THAP6: variants seen among roughly 807,000 people sequenced by gnomAD.
THAP6 encodes the protein THAP domain containing 6, also known as THAP domain-containing protein 6.
THAP6 carries 13 observed loss-of-function variants against 20.0 expected under a neutral mutation model. That is an observed-to-expected ratio of 0.65 (90% confidence interval 0.42 to 1.03). The LOEUF is 1.03. THAP6 is among the 50% of genes least tolerant of loss of function. The probability of loss-of-function intolerance (pLI) is 0.00; values close to 1 mark genes in which losing one functional copy is unlikely to be tolerated. For missense variants in THAP6, 262 were observed against 261.6 expected (o/e 1.00, Z -0.01); for synonymous variants, 93 against 92.2 (o/e 1.01, Z -0.05).
rs1726585562 is a variant in THAP6, at chr4:75,529,460, T to C, written c.*2246T>C. 1.0e-6 allele frequency: 1 copy of C among 985,428 alleles called. No individual in the cohort carries two copies. The highest frequency in any genetic ancestry group is 1.7e-5 in the African/African-American group (1 of 57,358). 61.0% of individuals were successfully genotyped at this position (985,428 alleles called of 1,614,324 possible). ...AAATAAATAACTGTGTGCAAAATAT[T>C]GGTATCATTAAGGACCCAGAGCTGC... On this transcript the variant is annotated 3_prime_UTR_variant, in exon 5 of 5. Transcript: ENST00000311638.
chr4:75,527,656 A>G lies in THAP6; in HGVS notation c.*442A>G, dbSNP rs1248490564. ...TTACTACAAAGCACAATTCATTTGT[A>G]ATGCATATCCATCTTGGATTCAATC... On this transcript the variant is annotated 3_prime_UTR_variant, in exon 5 of 5. Coordinates refer to ENST00000311638, the MANE Select transcript of THAP6 (RefSeq NM_144721.6). 1 of 997,052 alleles carries G rather than the reference A, an allele frequency of 1.0e-6. No homozygotes were observed. 61.8% of individuals were successfully genotyped at this position (997,052 alleles called of 1,614,324 possible).
At position 75,528,701 on chromosome 4, in the gene THAP6, A is replaced by G. The variant is rs187889749; in HGVS notation, c.*1487A>G. On this transcript the variant is annotated 3_prime_UTR_variant, in exon 5 of 5. Coordinates refer to ENST00000311638, the MANE Select transcript of THAP6 (RefSeq NM_144721.6). ...CGAGATCAGCGTTATGCTAAGAGGA[A>G]ATCACTGAGGCCATATCTTTTTACA... The G allele has an allele frequency of 3.0e-3, 2,985 of 985,052 alleles. 1 individual carries two copies. The highest frequency in any genetic ancestry group is 3.4e-3 in the Non-Finnish European group (2,858 of 829,688). 61.0% of individuals were successfully genotyped at this position (985,052 alleles called of 1,614,324 possible). A position where few individuals can be genotyped will look rare whatever the true frequency, so the allele number is the denominator to read the frequency against.
At position 75,540,057 on chromosome 4, in the gene THAP6, ATCC is replaced by A. The variant is rs141200258; in HGVS notation, c.166-2346_166-2344del. 3.0e-3 allele frequency: 4,062 copies of A among 1,374,344 alleles called. 95 individuals are homozygous for A. In the African/African-American group the frequency reaches 0.051, roughly 17 times the overall value. The allele number at this position is 1,374,344 out of a possible 1,614,324, so 85.1% of individuals were successfully genotyped here. Reference sequence around the variant, plus strand: ...ACTGAAAGGGAAAATTTCAATCACCATCCTCCTCTTCATCCTCTCACTCCAATA... The same window carrying A: ...ACTGAAAGGGAAAATTTCAATCACCATCCTCTTCATCCTCTCACTCCAATA... On this transcript the variant is annotated intron_variant, in intron 2 of 4. Coordinates refer to the THAP6 transcript ENST00000502620.
rs1229314862 is a variant in THAP6, at chr4:75,528,445, T to TC, written c.*1233dup. The stretch of plus-strand genomic sequence containing the variant: ...TACATACATGGACCTCATTCAGAAG[T>TC]CCATGTTGTAGCAGTTAGAATTTGA... On this transcript the variant is annotated 3_prime_UTR_variant, in exon 5 of 5. Coordinates refer to ENST00000311638, the MANE Select transcript of THAP6 (RefSeq NM_144721.6). 1 of 985,242 alleles carries TC rather than the reference T, an allele frequency of 1.0e-6. No individual in the cohort carries two copies. The highest frequency in any genetic ancestry group is 1.2e-6 in the Non-Finnish European group (1 of 829,868). The allele number at this position is 985,242 out of a possible 1,614,324, so 61.0% of individuals were successfully genotyped here. A position where few individuals can be genotyped will look rare whatever the true frequency, so the allele number is the denominator to read the frequency against.
downstream of THAP6, among the ~76,000 whole-genome samples, chr4:75,534,882 A>G (rs78239199): frequency 0.089 from 13,481 of 152,202 alleles, 985 homozygotes; most frequent in African/African-American, 0.18. Flanking sequence ...ACCAGTTAGA[A>G]GGGCGATCAT....
chr4:75,533,956 T>C (rs1037563195), downstream of THAP6, among the ~76,000 whole-genome samples: 2 of 149,396 alleles, frequency 1.3e-5, no homozygotes, highest in Non-Finnish European at 3.0e-5. Context: ...TTCCCCTTCC[T>C]GTGTCCAGGT....
chr4:75,520,581 G>A (rs989698542), intron 3 of THAP6, among the ~76,000 whole-genome samples: 85 of 152,160 alleles, frequency 5.6e-4, no homozygotes, highest in Admixed American at 5.6e-3. Context: ...TTGTGTATAG[G>A]CTGTCATCTT....
Position 75,528,527 on chromosome 4 carries a change from T to A in THAP6, c.*1313T>A. ...TGAATTGCATTTTGTGCTCAGTTGT[T>A]TATTGTAATTTTATTTTTGTTACAT... On this transcript the variant is annotated 3_prime_UTR_variant, in exon 5 of 5. Coordinates refer to ENST00000311638, the MANE Select transcript of THAP6 (RefSeq NM_144721.6). 3.0e-6 allele frequency: 3 copies of A among 984,194 alleles called. No homozygotes were observed. The highest frequency in any genetic ancestry group is 3.6e-6 in the Non-Finnish European group (3 of 828,800). 61.0% of individuals were successfully genotyped at this position (984,194 alleles called of 1,614,324 possible).
At chr4:75,533,745 G>T (rs894353541), downstream of THAP6, among the ~76,000 whole-genome samples, 3 of 151,814 alleles carry the variant, frequency 2.0e-5, no homozygotes, top group African/African-American at 7.3e-5. Context: ...TCCTGTTGTT[G>T]TTTTTTTCCT....
chr4:75,528,118 G>C lies in THAP6; in HGVS notation c.*904G>C. 1 of 984,866 alleles carries C rather than the reference G, an allele frequency of 1.0e-6. No homozygotes were observed. The highest frequency in any genetic ancestry group is 1.2e-6 in the Non-Finnish European group (1 of 829,526). 61.0% of individuals were successfully genotyped at this position (984,866 alleles called of 1,614,324 possible). A position where few individuals can be genotyped will look rare whatever the true frequency, so the allele number is the denominator to read the frequency against. ...AAGAAACCATTAGAAATTAATAACT[G>C]TGGCTCTTCCAGTTGAAATAGGAAT... On this transcript the variant is annotated 3_prime_UTR_variant, in exon 5 of 5. Transcript: ENST00000311638.
In THAP6 at chr4:75,528,028, A is replaced by G; in HGVS notation, c.*814A>G. 1 of 985,188 alleles carries G rather than the reference A, an allele frequency of 1.0e-6. No individual in the cohort carries two copies. The highest frequency in any genetic ancestry group is 4.7e-5 in the South Asian group (1 of 21,284). The allele number at this position is 985,188 out of a possible 1,614,324, so 61.0% of individuals were successfully genotyped here. On this transcript the variant is annotated 3_prime_UTR_variant, in exon 5 of 5. Coordinates refer to ENST00000311638, the MANE Select transcript of THAP6 (RefSeq NM_144721.6). ...ATGGCAGTACTAGCTCTATACTTTT[A>G]ATACTGCTTTGTATTTTATATGTAA... is the stretch of plus-strand genomic sequence containing the variant.
At chr4:75,517,629 G>A (rs936057249) in intron 3 of THAP6, 11 of 152,276 alleles carry the variant, frequency 7.2e-5, no homozygotes, top group African/African-American at 2.6e-4. Flanking sequence ...CAGAAGTCAG[G>A]AGTAGAACCA....
chr4:75,521,458 A>G (rs1370953291), intron 3 of THAP6, among the ~76,000 whole-genome samples: 3 of 152,090 alleles, frequency 2.0e-5, no homozygotes, highest in African/African-American at 7.2e-5. Context: ...AGTCCTAACA[A>G]AAGAACACAC....
At chr4:75,516,181 T>C (rs1725612215) in intron 2 of THAP6, among the ~76,000 whole-genome samples, 1 of 152,264 alleles carries the variant, frequency 6.6e-6, no homozygotes, top group African/African-American at 2.4e-5. Context: ...ATATCCTACC[T>C]TATTTTAGAA....
At chr4:75,525,965 C>T (rs1348126246) in intron 4 of THAP6, among the ~76,000 whole-genome samples, 1 of 152,194 alleles carries the variant, frequency 6.6e-6, no homozygotes, top group Non-Finnish European at 1.5e-5. Flanking sequence ...AAAGGGGAGC[C>T]TCTGAAGATC....
chr4:75,536,784 G>A (rs1485021154), intron 2 of THAP6, among the ~76,000 whole-genome samples: 4 of 152,020 alleles, frequency 2.6e-5, no homozygotes, highest in African/African-American at 7.2e-5. Flanking sequence ...TGCCCACCTC[G>A]GCCTCCCAAA....
At chr4:75,534,011 T>A (rs376903051), downstream of THAP6, among the ~76,000 whole-genome samples, 100 of 151,984 alleles carry the variant, frequency 6.6e-4, 2 homozygotes, top group East Asian at 0.014. Context: ...ACATGCAGTG[T>A]TTGGTTTTTT....
chr4:75,518,408 A>G (rs577189784), intron 3 of THAP6, among the ~76,000 whole-genome samples: 5 of 152,368 alleles, frequency 3.3e-5, no homozygotes, highest in African/African-American at 1.2e-4. Flanking sequence ...TTCTGGAAAT[A>G]GAATTATACT....
chr4:75,536,386 C>T (rs1726853356), intron 2 of THAP6, among the ~76,000 whole-genome samples: 1 of 152,174 alleles, frequency 6.6e-6, no homozygotes, highest in South Asian at 2.1e-4. Flanking sequence ...ATTGCTTGAA[C>T]CTGGGAGGTG....
Sources: gnomAD v4.1 joint callset for allele counts (sites outside exome capture counted in the v4.1 genomes callset) on GRCh38, gnomAD v4.1.1 for gene constraint, MANE v1.5 for transcripts, NCBI Gene and HGNC (gene_info 2026-07-23, HGNC 2026-07-21) for gene names.